Variants in AFG2A observed in about 807,000 individuals in gnomAD.
AFG2A encodes AAA ATPase AFG2A.
chr4:123,275,425 C>G, the AFG2A span, among the ~76,000 whole-genome samples: 9 of 152,086 alleles, frequency 5.9e-5, no homozygotes, highest in Non-Finnish European at 1.0e-4. Context: ...AGGGACAGTC[C>G]TATGGCAGTC....
At chr4:123,287,418 G>A in the AFG2A span, among the ~76,000 whole-genome samples, 1 of 152,112 alleles carries the variant, frequency 6.6e-6, no homozygotes, top group East Asian at 1.9e-4. Context: ...GTATTTTTTA[G>A]TTCTTGATAA....
chr4:122,974,647 CT>C, the AFG2A span, among the ~76,000 whole-genome samples: 2,072 of 149,104 alleles, frequency 0.014, 31 homozygotes, highest in South Asian at 0.049. Context: ...GTGGAAAACT[CT>C]TTTTTTTTTG....
the AFG2A span, among the ~76,000 whole-genome samples, chr4:123,111,735 A>T: frequency 2.0e-5 from 3 of 148,788 alleles, no homozygotes; most frequent in Non-Finnish European, 3.0e-5. Context: ...TCTTCTTCTT[A>T]TTATTATTAT....
At chr4:123,125,463 T>C in the AFG2A span, among the ~76,000 whole-genome samples, 8 of 152,194 alleles carry the variant, frequency 5.3e-5, no homozygotes, top group African/African-American at 1.7e-4. Context: ...AATTGTTCCA[T>C]CTAGTTTCTG....
the AFG2A span, among the ~76,000 whole-genome samples, chr4:122,939,031 AC>A: frequency 6.6e-6 from 1 of 151,170 alleles, no homozygotes. Flanking sequence ...TTAAAAAAAA[AC>A]TTATTCATAT....
the AFG2A span, among the ~76,000 whole-genome samples, chr4:123,008,794 A>G: frequency 3.3e-5 from 5 of 152,360 alleles, no homozygotes; most frequent in South Asian, 1.0e-3. Context: ...GAAAACTAGC[A>G]GCAGATGTTT....
the AFG2A span, among the ~76,000 whole-genome samples, chr4:123,239,203 T>G: frequency 6.6e-6 from 1 of 152,140 alleles, no homozygotes; most frequent in Non-Finnish European, 1.5e-5. Context: ...AATCTACATT[T>G]GATTGGTGTA....
chr4:123,031,659 A>G, the AFG2A span, among the ~76,000 whole-genome samples: 1 of 152,276 alleles, frequency 6.6e-6, no homozygotes, highest in African/African-American at 2.4e-5. Flanking sequence ...GTTAGGAAAC[A>G]CAAGTATTTT....
At chr4:123,250,276 T>A in the AFG2A span, among the ~76,000 whole-genome samples, 3 of 152,316 alleles carry the variant, frequency 2.0e-5, no homozygotes, top group African/African-American at 7.2e-5. Flanking sequence ...TAAGACTCCT[T>A]CATGTGAAAT....
the AFG2A span, among the ~76,000 whole-genome samples, chr4:122,967,885 T>A: frequency 1.3e-5 from 2 of 152,146 alleles, no homozygotes; most frequent in Non-Finnish European, 1.5e-5. Flanking sequence ...AATAAAGATA[T>A]TTTCCTGTTT....
At chr4:123,077,844 A>G in the AFG2A span, among the ~76,000 whole-genome samples, 1 of 152,188 alleles carries the variant, frequency 6.6e-6, no homozygotes, top group African/African-American at 2.4e-5. Flanking sequence ...GTGGTACTTC[A>G]GTATGTTTAC....
the AFG2A span, among the ~76,000 whole-genome samples, chr4:123,068,528 G>A: frequency 2.7e-4 from 41 of 152,100 alleles, no homozygotes; most frequent in African/African-American, 9.7e-4. Context: ...TTTATTAAGA[G>A]TAATCAAGTA....
the AFG2A span, among the ~76,000 whole-genome samples, chr4:123,067,043 T>G: frequency 1.7e-3 from 261 of 152,146 alleles, no homozygotes; most frequent in Middle Eastern, 3.4e-3. Flanking sequence ...TTCTTTGTTA[T>G]GTGTAGGACA....
At chr4:123,119,990 G>A in the AFG2A span, among the ~76,000 whole-genome samples, 1 of 152,108 alleles carries the variant, frequency 6.6e-6, no homozygotes, top group African/African-American at 2.4e-5. Flanking sequence ...TGACTATCAT[G>A]AGAACAGCAT....
the AFG2A span, among the ~76,000 whole-genome samples, chr4:123,207,209 C>T: frequency 1.3e-5 from 2 of 151,946 alleles, no homozygotes; most frequent in East Asian, 3.9e-4. Context: ...AGGGTATCCC[C>T]TCAAATGTTA....
At chr4:123,164,827 G>T in the AFG2A span, among the ~76,000 whole-genome samples, 2 of 152,056 alleles carry the variant, frequency 1.3e-5, no homozygotes, top group Non-Finnish European at 2.9e-5. Flanking sequence ...TTCCTAGCCA[G>T]TTTTCTTTCA....
the AFG2A span, among the ~76,000 whole-genome samples, chr4:123,291,889 G>A: frequency 6.6e-6 from 1 of 152,166 alleles, no homozygotes; most frequent in Admixed American, 6.5e-5. Flanking sequence ...AGTTCTTTGA[G>A]CTTCTTGTAT....
chr4:122,932,430 C>A, the AFG2A span, among the ~76,000 whole-genome samples: 15 of 151,948 alleles, frequency 9.9e-5, no homozygotes, highest in Non-Finnish European at 2.2e-4. Flanking sequence ...TGAGCTCAAG[C>A]GGTCCACCCA....
chr4:123,089,026 C>A, the AFG2A span, among the ~76,000 whole-genome samples: 1 of 152,168 alleles, frequency 6.6e-6, no homozygotes, highest in African/African-American at 2.4e-5. Context: ...CAAAACAGTT[C>A]TCATTGACTT....
Sources: allele counts gnomAD v4.1 joint callset (sites outside exome capture counted in the v4.1 genomes callset), GRCh38; gene constraint gnomAD v4.1.1; transcripts MANE v1.5; gene names NCBI Gene and HGNC (gene_info 2026-07-23, HGNC 2026-07-21).